ENOX2: variants seen among roughly 807,000 people sequenced by gnomAD.
ENOX2 encodes ecto-NOX disulfide-thiol exchanger 2.
ENOX2 carries 36 observed loss-of-function variants against 45.0 expected under a neutral mutation model. The ratio of observed to expected loss-of-function variants is 0.80; its 90% CI spans 0.61 to 1.06. The LOEUF is 1.06. Among genes scored for constraint, ENOX2 ranks in the 50% least tolerant of loss-of-function variants. ENOX2 has a pLI of 0.00. For missense variants in ENOX2, 423 were observed against 462.5 expected, an observed-to-expected ratio of 0.91 and a Z score of 0.78; for synonymous variants, 174 against 152.3, an observed-to-expected ratio of 1.14 and a Z score of -1.05.
Position 130,671,895 on chromosome X carries a change from C to T in ENOX2, c.461-1697G>A, listed in dbSNP as rs185535035. On this transcript the variant is annotated intron_variant, in intron 6 of 14. Coordinates refer to ENST00000394363, the MANE Select transcript of ENOX2 (RefSeq NM_006375.4). ...GACTATTTATAGAAATAAAAATATG[C>T]CACCAAATAAGGTAAACTTTAATAA... is the stretch of plus-strand genomic sequence containing the variant. Among the ~76,000 whole-genome samples, 488 of 111,915 alleles carry T rather than the reference C, an allele frequency of 4.4e-3. 2 individuals are homozygous for T. The highest frequency in any genetic ancestry group is 0.015 in the African/African-American group (464 of 30,786).
At chrX:130,656,731 C>A (rs781275173) in intron 9 of ENOX2, 36 bp from the exon 10 acceptor site, 1 of 790,329 alleles carries the variant, frequency 1.3e-6, no homozygotes, top group Non-Finnish European at 1.9e-6. Context: ...GGTGGGAATT[C>A]CTTGAAAATG....
At chrX:130,860,952 G>C (rs1338103932) in intron 2 of ENOX2, among the ~76,000 whole-genome samples, 1 of 111,635 alleles carries the variant, frequency 9.0e-6, no homozygotes, top group Non-Finnish European at 1.9e-5. Flanking sequence ...ATAATAATAA[G>C]TGAGCAAAGT....
intron 2 of ENOX2, among the ~76,000 whole-genome samples, chrX:130,794,190 A>G (rs2077084494): frequency 8.9e-6 from 1 of 112,283 alleles, no homozygotes; most frequent in East Asian, 2.8e-4. Flanking sequence ...CACACTGACC[A>G]TTAGGTTATC....
chrX:130,750,624 C>T (rs760529511), intron 3 of ENOX2, among the ~76,000 whole-genome samples: 5 of 111,413 alleles, frequency 4.5e-5, no homozygotes, highest in African/African-American at 6.5e-5. Context: ...ATCTGTCCAA[C>T]TCTTTCAGTC....
chrX:130,690,865 G>A (rs2037572872), intron 4 of ENOX2, among the ~76,000 whole-genome samples: 2 of 111,352 alleles, frequency 1.8e-5, no homozygotes, highest in African/African-American at 6.5e-5. Flanking sequence ...AGCAAGCTAG[G>A]GCACTACCCA....
chrX:130,654,773 T>C (rs1225787695), intron 10 of ENOX2, among the ~76,000 whole-genome samples: 1 of 112,191 alleles, frequency 8.9e-6, no homozygotes, highest in African/African-American at 3.2e-5. Context: ...GGAAAGAAAA[T>C]AGCTATAAGA....
At position 130,665,831 on chromosome X, in the gene ENOX2, AAG is replaced by A. The variant is rs1454894676; in HGVS notation, c.908-84_908-83del. On this transcript the variant is annotated intron_variant, in intron 8 of 14. Coordinates refer to ENST00000394363, the MANE Select transcript of ENOX2 (RefSeq NM_006375.4). ...AGAGAGGAGAAAAGAAATGAAATAA[AAG>A]AGAAGCATCAGGCTTGTTGTATCTT... 1.0e-5 allele frequency: 6 copies of A among 589,208 alleles called. No individual in the cohort carries two copies. The African/African-American group carries it at 1.4e-4, about 13-fold the overall frequency. The allele number at this position is 589,208 out of a possible 1,213,427, so 48.6% of individuals were successfully genotyped here.
intron 8 of ENOX2, 107 bp from the exon 9 acceptor site, chrX:130,665,856 CTTG>C (rs1290352089): frequency 5.8e-6 from 3 of 517,441 alleles, no homozygotes; most frequent in Non-Finnish European, 3.4e-6. Context: ...CTTGTTGTAT[CTTG>C]TTGTTATGAC....
At chrX:130,791,936 A>G (rs774319499) in intron 2 of ENOX2, among the ~76,000 whole-genome samples, 15 of 112,526 alleles carry the variant, frequency 1.3e-4, no homozygotes, top group Non-Finnish European at 3.8e-5. Flanking sequence ...TTCTATGTAC[A>G]TCAGGTTACA....
intron 13 of ENOX2, among the ~76,000 whole-genome samples, chrX:130,631,068 C>T (rs1369199153): frequency 9.0e-6 from 1 of 111,379 alleles, no homozygotes; most frequent in African/African-American, 3.3e-5. Flanking sequence ...ACTTGAGAGG[C>T]CTATAGTTGC....
At position 130,848,602 on chromosome X, in the gene ENOX2, T is replaced by C. The variant is rs748964283; in HGVS notation, c.-183+53082A>G. On this transcript the variant is annotated intron_variant, in intron 2 of 14. Coordinates refer to ENST00000394363, the MANE Select transcript of ENOX2 (RefSeq NM_006375.4). ...GCCAATTTTCTCCCTCCCATTGCAC[T>C]GGCAACAGCAGTAGCAGCAGTGGCT... Among the ~76,000 whole-genome samples the C allele has an allele frequency of 2.7e-5, 3 of 112,220 alleles. No individual in the cohort carries two copies. The South Asian group carries it at 1.1e-3, about 42-fold the overall frequency.
chrX:130,638,470 A>G (rs1317711858), intron 10 of ENOX2, among the ~76,000 whole-genome samples: 17 of 109,046 alleles, frequency 1.6e-4, no homozygotes, highest in African/African-American at 5.0e-4. Context: ...ACACACACAC[A>G]CGAATATAGC....
chrX:130,771,713 A>C (rs1055519831), intron 3 of ENOX2, among the ~76,000 whole-genome samples: 3 of 111,890 alleles, frequency 2.7e-5, no homozygotes, highest in African/African-American at 9.8e-5. Flanking sequence ...GTATCTTCTG[A>C]AAGTCTAGCT....
intron 3 of ENOX2, among the ~76,000 whole-genome samples, chrX:130,708,611 C>A (rs190498357): frequency 8.9e-6 from 1 of 112,195 alleles, no homozygotes; most frequent in East Asian, 2.8e-4. Context: ...TCTGTCTCTC[C>A]CCAGAAATTG....
chrX:130,881,210 T>C (rs1045609476), intron 2 of ENOX2, among the ~76,000 whole-genome samples: 3 of 112,384 alleles, frequency 2.7e-5, no homozygotes, highest in Non-Finnish European at 3.8e-5. Context: ...CTGTGTTAGA[T>C]AGATAGTAAA....
At chrX:130,661,783 G>A (rs1295105533) in intron 9 of ENOX2, among the ~76,000 whole-genome samples, 1 of 112,301 alleles carries the variant, frequency 8.9e-6, no homozygotes, top group East Asian at 2.8e-4. Flanking sequence ...CAGATTATTT[G>A]AATATCTATC....
chrX:130,623,781 T>A lies in ENOX2; in HGVS notation c.*1533A>T, dbSNP rs913269561. The A allele has an allele frequency of 9.0e-6, 1 of 111,155 alleles. No individual in the cohort carries two copies. The highest frequency in any genetic ancestry group is 3.3e-5 in the African/African-American group (1 of 30,495). The allele number at this position is 111,155 out of a possible 1,213,427, so 9.2% of individuals were successfully genotyped here. A position where few individuals can be genotyped will look rare whatever the true frequency, so the allele number is the denominator to read the frequency against. On this transcript the variant is annotated 3_prime_UTR_variant, in exon 15 of 15. Coordinates refer to ENST00000394363, the MANE Select transcript of ENOX2 (RefSeq NM_006375.4). ...GAATGGGCTGCTGTGGAACCCTGTT[T>A]CCAGTTGTCAAGACAGACTTGGCAT...
intron 10 of ENOX2, among the ~76,000 whole-genome samples, chrX:130,638,315 C>T (rs4076934): frequency 0.6 from 64,929 of 108,599 alleles, 17,223 homozygotes; most frequent in Non-Finnish European, 0.79. Context: ...ATCCGCCTGC[C>T]TCAGCCTCCC....
At chrX:130,849,199 G>A (rs1207513718) in intron 2 of ENOX2, among the ~76,000 whole-genome samples, 2 of 112,605 alleles carry the variant, frequency 1.8e-5, no homozygotes, top group Middle Eastern at 4.6e-3. Context: ...ATAAACAACT[G>A]TTGTTACATA....
Sources: gnomAD v4.1 joint callset for allele counts (sites outside exome capture counted in the v4.1 genomes callset) on GRCh38, gnomAD v4.1.1 for gene constraint, MANE v1.5 for transcripts, NCBI Gene and HGNC (gene_info 2026-07-23, HGNC 2026-07-21) for gene names.